PRKG1: variants seen among roughly 807,000 people sequenced by gnomAD.
PRKG1 encodes cGMP-dependent protein kinase 1.
A neutral mutation model predicts 88.1 loss-of-function variants in PRKG1; 35 were observed. The ratio of observed to expected loss-of-function variants is 0.40; its 90% CI spans 0.30 to 0.53. The LOEUF is 0.53. Among genes scored for constraint, PRKG1 ranks in the 20% least tolerant of loss-of-function variants. The pLI, the probability that PRKG1 is intolerant of heterozygous loss-of-function variation, is 0.59. For synonymous variants in PRKG1, 303 were observed against 292.5 expected, an observed-to-expected ratio of 1.04 and a Z score of -0.37; for missense variants, 540 against 839.8, an observed-to-expected ratio of 0.64 and a Z score of 4.41.
At chr10:52,155,842 A>C (rs1838080103) in intron 8 of PRKG1, among the ~76,000 whole-genome samples, 1 of 151,956 alleles carries the variant, frequency 6.6e-6, no homozygotes, top group African/African-American at 2.4e-5. Flanking sequence ...CCTGGAAAAG[A>C]CTGATTTATA....
chr10:52,008,233 C>A (rs542982471), intron 5 of PRKG1, among the ~76,000 whole-genome samples: 98 of 152,152 alleles, frequency 6.4e-4, no homozygotes, highest in Non-Finnish European at 8.7e-4. Flanking sequence ...GAAGCAAGAG[C>A]AAACCAACCT....
intron 4 of PRKG1, among the ~76,000 whole-genome samples, chr10:51,856,834 G>A (rs528563008): frequency 1.3e-5 from 2 of 151,972 alleles, no homozygotes; most frequent in African/African-American, 2.4e-5. Context: ...GCATGGTGGC[G>A]GGTGCCTTAG....
intron 9 of PRKG1, among the ~76,000 whole-genome samples, chr10:52,204,392 TGGTTGTTATGCA>T (rs201777364): frequency 0.15 from 23,448 of 151,962 alleles, 2,009 homozygotes; most frequent in South Asian, 0.26. Flanking sequence ...AACTGTTAGC[TGGTTGTTATGCA>T]GACTTGATTT....
chr10:52,234,889 G>A (rs1440495660), intron 9 of PRKG1, among the ~76,000 whole-genome samples: 1 of 110,582 alleles, frequency 9.0e-6, no homozygotes, highest in East Asian at 2.4e-4. Flanking sequence ...TGAAATGAAG[G>A]AAAAAATGTT....
At chr10:51,389,572 C>A (rs368918299) in intron 2 of PRKG1, among the ~76,000 whole-genome samples, 1 of 152,140 alleles carries the variant, frequency 6.6e-6, no homozygotes, top group Non-Finnish European at 1.5e-5. Context: ...TGCACTTTCA[C>A]CCTTCTACTT....
chr10:51,612,389 C>G (rs1395603075), intron 3 of PRKG1, among the ~76,000 whole-genome samples: 1 of 151,822 alleles, frequency 6.6e-6, no homozygotes, highest in Non-Finnish European at 1.5e-5. Context: ...GTGTGTGTCA[C>G]TATTGTAAAT....
intron 5 of PRKG1, among the ~76,000 whole-genome samples, chr10:51,947,002 A>G (rs531084015): frequency 5.9e-5 from 9 of 152,224 alleles, no homozygotes; most frequent in African/African-American, 2.2e-4. Flanking sequence ...GCTGTCAGAC[A>G]GGGACATTTA....
chr10:51,953,465 A>G (rs1274434795), intron 5 of PRKG1, among the ~76,000 whole-genome samples: 1 of 152,050 alleles, frequency 6.6e-6, no homozygotes, highest in Non-Finnish European at 1.5e-5. Context: ...TCTTTTCTCT[A>G]CTTTGCCCTA....
chr10:51,766,454 T>C (rs572186397), intron 3 of PRKG1, among the ~76,000 whole-genome samples: 5 of 152,146 alleles, frequency 3.3e-5, no homozygotes, highest in African/African-American at 4.8e-5. Context: ...TATGTGGCTG[T>C]TGGCATATCT....
Position 51,680,879 on chromosome 10 carries a change from T to C in PRKG1, c.593-123706T>C, listed in dbSNP as rs372463594. Among the ~76,000 whole-genome samples, 19 of 152,304 alleles carry C rather than the reference T, an allele frequency of 1.2e-4. No individual in the cohort carries two copies. In the East Asian group the frequency reaches 3.1e-3, roughly 25 times the overall value. ...TTGTAACATGGTGGCATTAGACAAATGTTGGCTAAAAGAAAGATGAGTAAA... is the reference window on the plus strand; with the variant it reads ...TTGTAACATGGTGGCATTAGACAAACGTTGGCTAAAAGAAAGATGAGTAAA... On this transcript the variant is annotated intron_variant, in intron 3 of 17. Coordinates refer to ENST00000373980, the MANE Select transcript of PRKG1 (RefSeq NM_006258.4).
At chr10:51,647,149 A>AT (rs1839934517) in intron 3 of PRKG1, among the ~76,000 whole-genome samples, 2 of 89,824 alleles carry the variant, frequency 2.2e-5, no homozygotes, top group African/African-American at 6.6e-5. Flanking sequence ...TGAGATCAAG[A>AT]TAAAAAAAAA....
chr10:52,232,283 A>T (rs1257962119), intron 9 of PRKG1, among the ~76,000 whole-genome samples: 1 of 152,156 alleles, frequency 6.6e-6, no homozygotes. Context: ...AGCCTGGGCG[A>T]CAGAGCTAGA....
chr10:51,049,410 A>G (rs1429866242), intron 1 of PRKG1, among the ~76,000 whole-genome samples: 1 of 152,184 alleles, frequency 6.6e-6, no homozygotes, highest in Non-Finnish European at 1.5e-5. Flanking sequence ...AACAATTTTT[A>G]ATGCAGAGTA....
intron 1 of PRKG1, among the ~76,000 whole-genome samples, chr10:51,027,001 C>G (rs1843215351): frequency 6.6e-6 from 1 of 152,138 alleles, no homozygotes; most frequent in African/African-American, 2.4e-5. Context: ...AAATCTCTTA[C>G]TCAAAAAATC....
At chr10:51,310,013 G>A (rs539124256) in intron 2 of PRKG1, among the ~76,000 whole-genome samples, 13 of 152,124 alleles carry the variant, frequency 8.5e-5, no homozygotes, top group East Asian at 3.9e-4. Flanking sequence ...AATACTGTGC[G>A]TTCTCACTTA....
At chr10:52,091,190 C>T (rs1306206939) in intron 7 of PRKG1, among the ~76,000 whole-genome samples, 1 of 152,092 alleles carries the variant, frequency 6.6e-6, no homozygotes, top group African/African-American at 2.4e-5. Context: ...GAATTTAATT[C>T]CTTGAAGTTG....
intron 2 of PRKG1, among the ~76,000 whole-genome samples, chr10:51,385,100 AAT>A (rs1837217258): frequency 6.6e-6 from 1 of 152,226 alleles, no homozygotes; most frequent in Non-Finnish European, 1.5e-5. Context: ...TGAAGTTACT[AAT>A]AAAAACACAG....
chr10:51,995,825 A>C (rs1844425093), intron 5 of PRKG1, among the ~76,000 whole-genome samples: 1 of 152,232 alleles, frequency 6.6e-6, no homozygotes, highest in Non-Finnish European at 1.5e-5. Flanking sequence ...AATATATGTT[A>C]AGTGCATATA....
intron 3 of PRKG1, among the ~76,000 whole-genome samples, chr10:51,718,561 C>A (rs1841939457): frequency 6.6e-6 from 1 of 152,094 alleles, no homozygotes; most frequent in Non-Finnish European, 1.5e-5. Context: ...GAATTTCTAT[C>A]TTTGAAAGCA....
Sources: allele counts gnomAD v4.1 joint callset (sites outside exome capture counted in the v4.1 genomes callset), GRCh38; gene constraint gnomAD v4.1.1; transcripts MANE v1.5; gene names NCBI Gene and HGNC (gene_info 2026-07-23, HGNC 2026-07-21).